Variants in JMJD1C observed in about 807,000 individuals in gnomAD.
JMJD1C encodes jumonji domain-containing protein 1C.
JMJD1C carries 31 observed loss-of-function variants against 245.3 expected under a neutral mutation model. The ratio of observed to expected loss-of-function variants is 0.13; its 90% CI spans 0.09 to 0.17. The LOEUF is 0.17. Among genes scored for constraint, JMJD1C ranks in the 10% least tolerant of loss-of-function variants. JMJD1C has a pLI of 1.00. For synonymous variants in JMJD1C, 1,057 were observed against 1,017.4 expected, an observed-to-expected ratio of 1.04 and a Z score of -0.74; for missense variants, 2,691 against 3,000.2, an observed-to-expected ratio of 0.90 and a Z score of 2.41.
chr10:63,414,785 T>C (rs1299725152), intron 1 of JMJD1C, among the ~76,000 whole-genome samples: 3 of 151,854 alleles, frequency 2.0e-5, no homozygotes, highest in South Asian at 2.1e-4. Flanking sequence ...CAGGTGCCTG[T>C]AGACCCAGCT....
Position 63,214,201 on chromosome 10 carries a change from C to A in JMJD1C, c.1966G>T (p.Val656Leu). ...TTCACATAAGTGGCCTTAGACTTTA[C>A]AGAATCAGGAGAATGAGTTATTTTG... ...KPKITHSPDS[V>L]KSKATYVNSQ... The change falls in exon 8 of 26, where the codon GTA becomes TTA. Residue 656 changes from valine to leucine, a missense_variant. By Grantham distance (32) the Val-to-Leu change is conservative. Coordinates refer to ENST00000399262, the MANE Select transcript of JMJD1C (RefSeq NM_032776.3). The A allele has an allele frequency of 6.2e-7, 1 of 1,614,006 alleles. No individual in the cohort carries two copies. Among genetic ancestry groups the A allele is most frequent in the Non-Finnish European group, 8.5e-7 (1 of 1,179,982 alleles).
intron 1 of JMJD1C, among the ~76,000 whole-genome samples, chr10:63,440,353 A>AATATATAT (rs56068128): frequency 1.7e-4 from 21 of 120,240 alleles, no homozygotes; most frequent in South Asian, 2.8e-4. Context: ...AAAAAAAAAA[A>AATATATAT]ATATATATAT....
At chr10:63,416,345 G>GTTTTT (rs10640079) in intron 1 of JMJD1C, among the ~76,000 whole-genome samples, 3 of 147,136 alleles carry the variant, frequency 2.0e-5, no homozygotes, top group African/African-American at 7.5e-5. Context: ...ATTTATCTTA[G>GTTTTT]TTTTTTTTTT....
At chr10:63,314,347 T>A (rs369754369) in intron 2 of JMJD1C, among the ~76,000 whole-genome samples, 1 of 152,148 alleles carries the variant, frequency 6.6e-6, no homozygotes. Flanking sequence ...ATTGCTTGAG[T>A]CCAGGAGTTC....
rs71508960 is a variant in JMJD1C at position 63,286,610 on chromosome 10, T to C, written c.334-21846A>G. ...TGGAAAGCTGCCCATCCTCAGTATGTAGCTCTTTGAACCACATAGAGGCCC... is the reference window on the plus strand; with the variant it reads ...TGGAAAGCTGCCCATCCTCAGTATGCAGCTCTTTGAACCACATAGAGGCCC... On this transcript the variant is annotated intron_variant, in intron 2 of 25. Coordinates refer to ENST00000399262, the MANE Select transcript of JMJD1C (RefSeq NM_032776.3). Among the ~76,000 whole-genome samples, 532 of 152,312 alleles carry C rather than the reference T, an allele frequency of 3.5e-3. 4 individuals are homozygous for C. Among genetic ancestry groups the C allele is most frequent in the Non-Finnish European group, 6.4e-3 (437 of 68,034 alleles).
chr10:63,381,822 G>C (rs1306523050), intron 1 of JMJD1C, among the ~76,000 whole-genome samples: 1 of 152,140 alleles, frequency 6.6e-6, no homozygotes, highest in Non-Finnish European at 1.5e-5. Context: ...ACAGAGTGTT[G>C]ATCAGTAAAG....
chr10:63,401,075 T>A (rs1245230623), intron 1 of JMJD1C, among the ~76,000 whole-genome samples: 1 of 152,138 alleles, frequency 6.6e-6, no homozygotes, highest in African/African-American at 2.4e-5. Context: ...GCCAGGCTGG[T>A]CTCAAACTCT....
intron 1 of JMJD1C, among the ~76,000 whole-genome samples, chr10:63,387,257 CAAG>C (rs1048847119): frequency 1.3e-5 from 2 of 151,978 alleles, no homozygotes; most frequent in African/African-American, 4.8e-5. Flanking sequence ...ATAAAAGAAA[CAAG>C]AAGAAGCAAG....
chr10:63,199,658 C>A (rs1055608063), intron 11 of JMJD1C, among the ~76,000 whole-genome samples: 1 of 152,112 alleles, frequency 6.6e-6, no homozygotes, highest in African/African-American at 2.4e-5. Flanking sequence ...TTCTGCACTT[C>A]CATGGGTACT....
rs1486201421 is a variant in JMJD1C at position 63,233,779 on chromosome 10, ACACAC to A, written c.448-13801_448-13797del. On this transcript the variant is annotated intron_variant, in intron 3 of 25. Transcript: ENST00000399262. Reference sequence around the variant, plus strand: ...CGTGCACACACACACACACACACACACACACCACCACCAGGATATATAACAGATAT... The same window carrying A: ...CGTGCACACACACACACACACACACACACCACCAGGATATATAACAGATAT... Among the ~76,000 whole-genome samples the A allele has an allele frequency of 1.3e-4, 18 of 135,786 alleles. 1 individual carries two copies. The highest frequency in any genetic ancestry group is 4.1e-4 in the African/African-American group (16 of 38,880). The allele number at this position is 135,786 out of a possible 152,430, so 89.1% of individuals were successfully genotyped here. A position where few individuals can be genotyped will look rare whatever the true frequency, so the allele number is the denominator to read the frequency against.
At chr10:63,432,640 T>C (rs1950825164) in intron 1 of JMJD1C, among the ~76,000 whole-genome samples, 1 of 152,224 alleles carries the variant, frequency 6.6e-6, no homozygotes, top group Admixed American at 6.5e-5. Flanking sequence ...TGTCTACTTC[T>C]GGACTTAGAA....
intron 1 of JMJD1C, among the ~76,000 whole-genome samples, chr10:63,484,282 G>T (rs1419985258): frequency 6.6e-6 from 1 of 151,062 alleles, no homozygotes; most frequent in East Asian, 1.9e-4. Flanking sequence ...AAGATAGATA[G>T]ATAAGACAGA....
intron 1 of JMJD1C, among the ~76,000 whole-genome samples, chr10:63,409,333 G>A (rs1474445593): frequency 6.6e-6 from 1 of 152,166 alleles, no homozygotes; most frequent in Non-Finnish European, 1.5e-5. Flanking sequence ...TATTAAGCCA[G>A]CTTTAGGGCC....
intron 2 of JMJD1C, among the ~76,000 whole-genome samples, chr10:63,301,582 T>C (rs949806837): frequency 6.6e-5 from 10 of 152,134 alleles, no homozygotes; most frequent in African/African-American, 1.9e-4. Context: ...CACCGCGTGT[T>C]TTCACTCATA....
chr10:63,310,225 T>C (rs1347360756), intron 2 of JMJD1C, among the ~76,000 whole-genome samples: 2 of 152,192 alleles, frequency 1.3e-5, no homozygotes, highest in Non-Finnish European at 2.9e-5. Flanking sequence ...ACATTTTCCC[T>C]AAAATAATAT....
intron 1 of JMJD1C, among the ~76,000 whole-genome samples, chr10:63,416,430 G>C (rs1226329813): frequency 1.3e-5 from 2 of 151,346 alleles, no homozygotes; most frequent in African/African-American, 4.9e-5. Flanking sequence ...TTTTATGCAT[G>C]TTTTTCAATG....
At chr10:63,255,574 C>T (rs974097227) in intron 3 of JMJD1C, among the ~76,000 whole-genome samples, 2 of 152,126 alleles carry the variant, frequency 1.3e-5, no homozygotes, top group Non-Finnish European at 2.9e-5. Flanking sequence ...AATGGATGTA[C>T]CATGACATTG....
At chr10:63,420,270 AAAC>A (rs1480481593) in intron 1 of JMJD1C, among the ~76,000 whole-genome samples, 1 of 152,194 alleles carries the variant, frequency 6.6e-6, no homozygotes, top group African/African-American at 2.4e-5. Context: ...CAGAATCAAT[AAAC>A]AACAAAATTT....
intron 2 of JMJD1C, among the ~76,000 whole-genome samples, chr10:63,318,235 T>C (rs974097874): frequency 2.0e-5 from 3 of 152,174 alleles, no homozygotes; most frequent in Non-Finnish European, 4.4e-5. Flanking sequence ...CAGGCTAGTC[T>C]TGAACTCCTA....
Sources: allele counts gnomAD v4.1 joint callset (sites outside exome capture counted in the v4.1 genomes callset), GRCh38; gene constraint gnomAD v4.1.1; transcripts MANE v1.5; gene names NCBI Gene and HGNC (gene_info 2026-07-23, HGNC 2026-07-21).